DSE: variants seen among roughly 807,000 people sequenced by gnomAD.
DSE encodes the protein dermatan-sulfate epimerase.
DSE carries 36 observed loss-of-function variants against 84.4 expected under a neutral mutation model. The observed-to-expected ratio is 0.43, with a 90% CI of 0.33 to 0.56. DSE has a LOEUF of 0.56. Among genes scored for constraint, DSE ranks in the 20% least tolerant of loss-of-function variants. The pLI, the probability that DSE is intolerant of heterozygous loss-of-function variation, is 0.06. For missense variants in DSE, 862 were observed against 1,169.6 expected (o/e 0.74, Z 3.84); for synonymous variants, 410 against 430.1 (o/e 0.95, Z 0.58).
intron 2 of DSE, among the ~76,000 whole-genome samples, chr6:116,345,029 C>G (rs796594462): frequency 1.3e-5 from 2 of 152,106 alleles, no homozygotes; most frequent in Non-Finnish European, 2.9e-5. Context: ...CAAAGAAGAC[C>G]ATTACATAAT....
At chr6:116,301,209 ATAGGCATT>A in intron 2 of DSE, among the ~76,000 whole-genome samples, 1 of 152,278 alleles carries the variant, frequency 6.6e-6, no homozygotes, top group South Asian at 2.1e-4. Flanking sequence ...GCACACAAAC[ATAGGCATT>A]CATGCACATG....
chr6:116,347,405 A>G (rs1035360925), intron 2 of DSE, among the ~76,000 whole-genome samples: 16 of 151,150 alleles, frequency 1.1e-4, no homozygotes, highest in African/African-American at 3.6e-4. Flanking sequence ...ACAGCATGGT[A>G]CTGGTACCAA....
At chr6:116,425,576 A>G (rs1473679158) in intron 2 of DSE, among the ~76,000 whole-genome samples, 1 of 151,966 alleles carries the variant, frequency 6.6e-6, no homozygotes, top group African/African-American at 2.4e-5. Flanking sequence ...TTCCTGGAAA[A>G]TGACAATGTA....
intron 2 of DSE, among the ~76,000 whole-genome samples, chr6:116,337,662 C>A (rs531383770): frequency 6.6e-6 from 1 of 151,896 alleles, no homozygotes; most frequent in Non-Finnish European, 1.5e-5. Context: ...ACTCTAATTG[C>A]GGCATTAATC....
intron 1 of DSE, among the ~76,000 whole-genome samples, chr6:116,257,761 G>A (rs1307849650): frequency 6.6e-6 from 1 of 152,118 alleles, no homozygotes; most frequent in Non-Finnish European, 1.5e-5. Flanking sequence ...AATCTCATTA[G>A]GGCTCTAACC....
intron 1 of DSE, chr6:116,255,859 A>C (rs1297957025): frequency 6.6e-6 from 1 of 152,236 alleles, no homozygotes. Context: ...GAAAAGTATA[A>C]AATTACATGT....
chr6:116,420,555 C>A (rs1035256054), intron 2 of DSE, among the ~76,000 whole-genome samples: 1 of 152,186 alleles, frequency 6.6e-6, no homozygotes, highest in African/African-American at 2.4e-5. Flanking sequence ...CCTGACCATG[C>A]GGGCACCCTG....
upstream of DSE, among the ~76,000 whole-genome samples, chr6:116,368,416 G>A (rs1779290761): frequency 6.6e-6 from 1 of 152,110 alleles, no homozygotes; most frequent in Non-Finnish European, 1.5e-5. Flanking sequence ...ATTGAGAGGT[G>A]GAATTACTCA....
At chr6:116,307,352 C>T (rs1225556812) in intron 2 of DSE, among the ~76,000 whole-genome samples, 1 of 152,148 alleles carries the variant, frequency 6.6e-6, no homozygotes, top group African/African-American at 2.4e-5. Context: ...TCTAGTCAAG[C>T]CGATGCATTG....
At chr6:116,285,468 G>A (rs62423801) in intron 2 of DSE, among the ~76,000 whole-genome samples, 47,690 of 152,028 alleles carry the variant, frequency 0.31, 8,050 homozygotes, top group East Asian at 0.65. Flanking sequence ...CATTCTGTAG[G>A]TTGCCTATTC....
At chr6:116,346,292 C>G (rs983379724) in intron 2 of DSE, among the ~76,000 whole-genome samples, 4 of 152,138 alleles carry the variant, frequency 2.6e-5, no homozygotes, top group African/African-American at 9.7e-5. Flanking sequence ...ATCCTGATAC[C>G]AAAGCCTGGC....
intron 1 of DSE, among the ~76,000 whole-genome samples, chr6:116,385,565 T>C (rs1434037014): frequency 6.6e-6 from 1 of 152,030 alleles, no homozygotes; most frequent in Non-Finnish European, 1.5e-5. Context: ...ACTGGCAGGA[T>C]TAGTTGCCAG....
chr6:116,353,298 G>A (rs932418565), intron 2 of DSE, among the ~76,000 whole-genome samples: 2 of 152,148 alleles, frequency 1.3e-5, no homozygotes, highest in Non-Finnish European at 2.9e-5. Context: ...ACTGCTAAGG[G>A]GGAGTAGTCA....
chr6:116,261,686 G>A (rs1200816213), intron 2 of DSE, among the ~76,000 whole-genome samples: 1 of 152,166 alleles, frequency 6.6e-6, no homozygotes, highest in Non-Finnish European at 1.5e-5. Context: ...TGCTTTTCCA[G>A]AAGAATGTGT....
At chr6:116,254,416 G>A in intron 1 of DSE, 2 of 430,248 alleles carry the variant, frequency 4.6e-6, no homozygotes, top group Non-Finnish European at 9.3e-6. Flanking sequence ...CAGTTCATAG[G>A]GCTTCTCCTG....
At chr6:116,280,072 G>T (rs1773424351) in intron 2 of DSE, 3 of 612,976 alleles carry the variant, frequency 4.9e-6, no homozygotes, top group Non-Finnish European at 8.9e-6. Context: ...CATAGCAACA[G>T]TAATTTTACC....
intron 2 of DSE, among the ~76,000 whole-genome samples, chr6:116,262,022 T>C (rs1019338984): frequency 3.3e-5 from 5 of 152,222 alleles, no homozygotes; most frequent in Admixed American, 6.5e-5. Flanking sequence ...GACTTTTGCA[T>C]TGATGTTCAG....
chr6:116,443,669 G>A lies in DSE; in HGVS notation c.*6324G>A, dbSNP rs1784494388. ...TGCATATCTCTAGAAATTTGTTATG[G>A]GGAAGTCTTTATCAAAGAATGTCCC... On this transcript the variant is annotated 3_prime_UTR_variant, in exon 6 of 6. Coordinates refer to ENST00000644252, the MANE Select transcript of DSE (RefSeq NM_013352.4). 6.6e-6 allele frequency: 1 copy of A among 152,112 alleles called. No homozygotes were observed. Among genetic ancestry groups the A allele is most frequent in the Non-Finnish European group, 1.5e-5 (1 of 68,034 alleles). The allele number at this position is 152,112 out of a possible 1,614,324, so 9.4% of individuals were successfully genotyped here.
At chr6:116,426,502 TA>T in intron 2 of DSE, 71 bp from the exon 3 acceptor site, 1 of 1,550,708 alleles carries the variant, frequency 6.4e-7, no homozygotes, top group Non-Finnish European at 8.7e-7. Flanking sequence ...TTCTGAGAAA[TA>T]GACACTTTAG....
Sources: gnomAD v4.1 joint callset for allele counts (sites outside exome capture counted in the v4.1 genomes callset) on GRCh38, gnomAD v4.1.1 for gene constraint, MANE v1.5 for transcripts, NCBI Gene and HGNC (gene_info 2026-07-23, HGNC 2026-07-21) for gene names.